GALNTL6: variants seen among roughly 807,000 people sequenced by gnomAD.
GALNTL6 encodes polypeptide N-acetylgalactosaminyltransferase-like 6.
In GALNTL6, 46 loss-of-function variants were observed where a neutral mutation model predicts 73.7. The ratio of observed to expected loss-of-function variants is 0.62; its 90% confidence interval spans 0.49 to 0.80. GALNTL6 has a LOEUF of 0.80. Ranked by LOEUF, GALNTL6 falls within the 30% of genes least tolerant of loss-of-function variation. GALNTL6 has a pLI of 0.00. For synonymous variants in GALNTL6, 259 were observed against 263.7 expected (o/e 0.98, Z 0.17); for missense variants, 604 against 755.0 (o/e 0.80, Z 2.34).
chr4:172,038,329 T>A (rs1741995511), intron 2 of GALNTL6, among the ~76,000 whole-genome samples: 1 of 123,536 alleles, frequency 8.1e-6, no homozygotes, highest in Admixed American at 9.4e-5. Context: ...TTTTAAGTAT[T>A]TTTTTCTTCT....
intron 7 of GALNTL6, 138 bp downstream of exon 7, chr4:172,813,861 A>C: frequency 1.7e-6 from 1 of 590,722 alleles, no homozygotes; most frequent in South Asian, 3.4e-5. Flanking sequence ...ACATCACAGA[A>C]AGGTCAGACC....
chr4:171,898,795 T>A (rs1028411577), intron 2 of GALNTL6, among the ~76,000 whole-genome samples: 1 of 152,042 alleles, frequency 6.6e-6, no homozygotes, highest in Non-Finnish European at 1.5e-5. Flanking sequence ...TGTTCATAGT[T>A]ACATGATAAT....
chr4:172,625,636 C>G (rs1739138143), intron 5 of GALNTL6, among the ~76,000 whole-genome samples: 2 of 151,984 alleles, frequency 1.3e-5, no homozygotes, highest in South Asian at 4.1e-4. Flanking sequence ...ACTTACATTC[C>G]CACCAAATGT....
At chr4:172,853,712 G>A (rs1743963268) in intron 7 of GALNTL6, among the ~76,000 whole-genome samples, 1 of 152,110 alleles carries the variant, frequency 6.6e-6, no homozygotes, top group African/African-American at 2.4e-5. Flanking sequence ...CTGCCACTGA[G>A]GTAACATATT....
At chr4:172,033,024 C>A (rs1410339870) in intron 2 of GALNTL6, among the ~76,000 whole-genome samples, 1 of 151,928 alleles carries the variant, frequency 6.6e-6, no homozygotes, top group East Asian at 1.9e-4. Context: ...ACTCTTGAAC[C>A]TCCTGTAAAG....
intron 3 of GALNTL6, among the ~76,000 whole-genome samples, chr4:172,234,315 A>G (rs966196186): frequency 3.1e-4 from 47 of 152,106 alleles, no homozygotes; most frequent in African/African-American, 1.1e-3. Flanking sequence ...AATAATGGCT[A>G]CTTTTGGCAT....
At chr4:172,444,960 G>A (rs968854651) in intron 5 of GALNTL6, among the ~76,000 whole-genome samples, 2 of 152,150 alleles carry the variant, frequency 1.3e-5, no homozygotes, top group African/African-American at 4.8e-5. Context: ...CAAGGTAGAT[G>A]TGGCTGAGAA....
At chr4:172,617,567 C>T (rs1738788188) in intron 5 of GALNTL6, among the ~76,000 whole-genome samples, 1 of 152,062 alleles carries the variant, frequency 6.6e-6, no homozygotes. Context: ...AGCTCCACCT[C>T]CTGGGTTCAC....
intron 2 of GALNTL6, among the ~76,000 whole-genome samples, chr4:171,926,247 A>G (rs1157952840): frequency 6.6e-6 from 1 of 152,074 alleles, no homozygotes; most frequent in Non-Finnish European, 1.5e-5. Context: ...TGCCATTTCA[A>G]TTTTCAAATG....
intron 7 of GALNTL6, among the ~76,000 whole-genome samples, chr4:172,857,994 C>T (rs1274587238): frequency 6.6e-6 from 1 of 152,164 alleles, no homozygotes; most frequent in Non-Finnish European, 1.5e-5. Flanking sequence ...TACTTCCCTC[C>T]TGAAGAGTTC....
intron 2 of GALNTL6, among the ~76,000 whole-genome samples, chr4:171,900,767 GT>G (rs1418445026): frequency 6.6e-6 from 1 of 152,066 alleles, no homozygotes; most frequent in Non-Finnish European, 1.5e-5. Context: ...ATTGATGTTG[GT>G]TTTGAAATTA....
rs1553999868 is a variant in GALNTL6 at position 172,176,337 on chromosome 4, C to CAAAAAAAAACA, written c.139-53310_139-53309insCAAAAAAAAAA. 8.6e-4 allele frequency among the ~76,000 whole-genome samples: 27 copies of CAAAAAAAAACA among 31,368 alleles called. 4 individuals carry two copies. The highest frequency in any genetic ancestry group is 1.3e-3 in the Non-Finnish European group (24 of 19,160). The allele number at this position is 31,368 out of a possible 152,430, so 20.6% of individuals were successfully genotyped here. On this transcript the variant is annotated intron_variant, in intron 2 of 12. Coordinates refer to ENST00000506823, the MANE Select transcript of GALNTL6 (RefSeq NM_001034845.3). ...CCTGGGCGACAGCGAGACTCCGTCT[C>CAAAAAAAAACA]AAAAAAAAAAAAAAAAAAAGAGTGT...
At chr4:172,413,957 T>C (rs1160159549) in intron 5 of GALNTL6, among the ~76,000 whole-genome samples, 1 of 152,180 alleles carries the variant, frequency 6.6e-6, no homozygotes, top group Non-Finnish European at 1.5e-5. Flanking sequence ...TTTTGTGAAC[T>C]GTGAAGGAAC....
At chr4:171,839,814 C>T (rs542687572) in intron 2 of GALNTL6, among the ~76,000 whole-genome samples, 2 of 152,152 alleles carry the variant, frequency 1.3e-5, no homozygotes, top group East Asian at 1.9e-4. Context: ...CCAAATGAAA[C>T]TGCTCGTATC....
intron 2 of GALNTL6, among the ~76,000 whole-genome samples, chr4:171,934,997 C>T (rs1338621086): frequency 6.6e-6 from 1 of 152,074 alleles, no homozygotes; most frequent in East Asian, 1.9e-4. Context: ...ACCCTTGAAG[C>T]ATTGTCTAGT....
chr4:171,983,231 G>C (rs1739962041), intron 2 of GALNTL6, among the ~76,000 whole-genome samples: 1 of 152,086 alleles, frequency 6.6e-6, no homozygotes, highest in Non-Finnish European at 1.5e-5. Context: ...TTTTATTTTA[G>C]AGTGCTCTTA....
chr4:172,259,798 G>A (rs1738196504), intron 3 of GALNTL6, among the ~76,000 whole-genome samples: 1 of 151,370 alleles, frequency 6.6e-6, no homozygotes, highest in African/African-American at 2.4e-5. Context: ...GGTGAGAGAG[G>A]AGGATTGAGT....
chr4:172,404,713 G>A (rs560795898), intron 5 of GALNTL6, among the ~76,000 whole-genome samples: 5 of 152,060 alleles, frequency 3.3e-5, no homozygotes, highest in Non-Finnish European at 7.4e-5. Flanking sequence ...GCCTGCGATT[G>A]CCTGGGCACT....
At chr4:171,952,908 A>G (rs1394576069) in intron 2 of GALNTL6, among the ~76,000 whole-genome samples, 1 of 152,194 alleles carries the variant, frequency 6.6e-6, no homozygotes, top group East Asian at 1.9e-4. Flanking sequence ...ATTCATCAAT[A>G]ATGAGAAAAA....
Sources: allele counts gnomAD v4.1 joint callset (sites outside exome capture counted in the v4.1 genomes callset), GRCh38; gene constraint gnomAD v4.1.1; transcripts MANE v1.5; gene names NCBI Gene and HGNC (gene_info 2026-07-23, HGNC 2026-07-21).